The following SEPTIN6 variants were observed in gnomAD, a reference collection of about 807,000 sequenced individuals.
The protein encoded by SEPTIN6 is septin-6.
In SEPTIN6, 8 loss-of-function variants were observed where a neutral mutation model predicts 33.6. The observed-to-expected ratio is 0.24, with a 90% CI of 0.14 to 0.43. The LOEUF is 0.43. SEPTIN6 is among the 20% of genes least tolerant of loss of function. The pLI is 1.00. For synonymous variants in SEPTIN6, 131 were observed against 140.0 expected, an observed-to-expected ratio of 0.94 and a Z score of 0.45; for missense variants, 250 against 340.8, an observed-to-expected ratio of 0.73 and a Z score of 2.10.
intron 1 of SEPTIN6, among the ~76,000 whole-genome samples, chrX:119,691,625 G>A (rs4825663): frequency 0.19 from 21,040 of 111,051 alleles, 1,472 homozygotes; most frequent in South Asian, 0.41. Flanking sequence ...AGGAGGTTCC[G>A]AAGAAATGAT....
intron 10 of SEPTIN6, 129 bp downstream of exon 10, chrX:119,625,206 C>G: frequency 2.0e-6 from 1 of 491,069 alleles, no homozygotes. Flanking sequence ...TTATAAGTCA[C>G]GAGAGAAAAC....
chrX:119,618,980 A>G lies in SEPTIN6; in HGVS notation c.*1113T>C. On this transcript the variant is annotated 3_prime_UTR_variant, in exon 11 of 11. Transcript: ENST00000394610. ...CCCATGATAAAAACTTAGGGCTGGA[A>G]TATTTTTAAACTCTCAACTCCTTAA... The G allele has an allele frequency of 4.1e-6, 4 of 978,616 alleles. No individual in the cohort carries two copies. Among genetic ancestry groups the G allele is most frequent in the Non-Finnish European group, 5.2e-6 (4 of 774,918 alleles). 80.6% of individuals were successfully genotyped at this position (978,616 alleles called of 1,213,427 possible).
intron 5 of SEPTIN6, among the ~76,000 whole-genome samples, chrX:119,642,075 C>CAAT (rs2054166271): frequency 9.3e-6 from 1 of 107,851 alleles, no homozygotes; most frequent in Admixed American, 1.0e-4. Context: ...ATCTCAACAA[C>CAAT]GATCATACAG....
intron 2 of SEPTIN6, among the ~76,000 whole-genome samples, chrX:119,665,188 C>G (rs1207695467): frequency 1.9e-5 from 2 of 107,357 alleles, no homozygotes; most frequent in Non-Finnish European, 3.9e-5. Context: ...ACTGCAGCCT[C>G]TGCCTCCCGG....
chrX:119,688,435 G>A (rs187753969), intron 1 of SEPTIN6, among the ~76,000 whole-genome samples: 93 of 111,508 alleles, frequency 8.3e-4, no homozygotes, highest in African/African-American at 3.0e-3. Context: ...CAGGCCGGGC[G>A]CTGTGGCTCA....
chrX:119,625,438 T>A (rs2053843540), intron 9 of SEPTIN6, 59 bp from the exon 10 acceptor site: 4 of 1,055,401 alleles, frequency 3.8e-6, no homozygotes, highest in Non-Finnish European at 5.3e-6. Context: ...TCAAATATTA[T>A]GACTTGACAC....
chrX:119,677,347 G>A (rs956630987), intron 1 of SEPTIN6, among the ~76,000 whole-genome samples: 2 of 112,407 alleles, frequency 1.8e-5, no homozygotes, highest in African/African-American at 3.2e-5. Context: ...AGGGGCCTGC[G>A]TGGAGCGTGG....
intron 7 of SEPTIN6, among the ~76,000 whole-genome samples, chrX:119,635,445 G>T (rs1219934495): frequency 9.0e-6 from 1 of 110,913 alleles, no homozygotes; most frequent in Non-Finnish European, 1.9e-5. Context: ...AGAATCCCGG[G>T]GGGTATATCA....
chrX:119,620,380 G>T (rs1360518504), intron 10 of SEPTIN6, among the ~76,000 whole-genome samples: 1 of 100,271 alleles, frequency 1.0e-5, no homozygotes, highest in Non-Finnish European at 2.0e-5. Flanking sequence ...GTGCAGTGGT[G>T]CGATCTCGGC....
At chrX:119,689,633 C>A (rs947686049) in intron 1 of SEPTIN6, among the ~76,000 whole-genome samples, 2 of 111,446 alleles carry the variant, frequency 1.8e-5, no homozygotes, top group African/African-American at 6.5e-5. Flanking sequence ...CCCGCCACCA[C>A]GCCTGGCTAA....
At position 119,617,432 on chromosome X, in the gene SEPTIN6, C is replaced by T; in HGVS notation, c.*2661G>A. Reference sequence around the variant, plus strand: ...CAAACTTCCCTGATTATAAGGGTCACCTAGGGCACCTGTTACACACAGTCT... The same window carrying T: ...CAAACTTCCCTGATTATAAGGGTCATCTAGGGCACCTGTTACACACAGTCT... On this transcript the variant is annotated 3_prime_UTR_variant, in exon 11 of 11. Transcript: ENST00000394610. The T allele has an allele frequency of 1.2e-6, 1 of 803,215 alleles. No homozygotes were observed. The allele number at this position is 803,215 out of a possible 1,213,427, so 66.2% of individuals were successfully genotyped here. A position where few individuals can be genotyped will look rare whatever the true frequency, so the allele number is the denominator to read the frequency against.
intron 3 of SEPTIN6, among the ~76,000 whole-genome samples, chrX:119,657,907 T>C (rs1326226450): frequency 9.0e-6 from 1 of 111,674 alleles, no homozygotes; most frequent in East Asian, 2.8e-4. Context: ...AGGCGGATCA[T>C]GAGGTCAGGA....
intron 2 of SEPTIN6, among the ~76,000 whole-genome samples, chrX:119,668,067 G>T (rs922353642): frequency 9.0e-6 from 1 of 110,654 alleles, no homozygotes; most frequent in Non-Finnish European, 1.9e-5. Flanking sequence ...AGGTCGAGGC[G>T]GGTAGATCAC....
In SEPTIN6 at chrX:119,647,322, C is replaced by T. The variant is rs1185515746; in HGVS notation, c.690+2615G>A. ...ATCCTGAATCCACTGGAATTCCCTG[C>T]TCCTCTCCTCTCCTCCCCTCCCCTC... On this transcript the variant is annotated intron_variant, in intron 5 of 10. Transcript: ENST00000394610. Among the ~76,000 whole-genome samples, 4 of 107,684 alleles carry T rather than the reference C, an allele frequency of 3.7e-5. No homozygotes were observed. The East Asian group carries it at 1.2e-3, about 32-fold the overall frequency. 93.5% of individuals were successfully genotyped at this position (107,684 alleles called of 115,157 possible). A position where few individuals can be genotyped will look rare whatever the true frequency, so the allele number is the denominator to read the frequency against.
intron 5 of SEPTIN6, among the ~76,000 whole-genome samples, chrX:119,648,992 T>C (rs1455158081): frequency 7.2e-5 from 8 of 111,530 alleles, no homozygotes; most frequent in African/African-American, 9.8e-5. Context: ...GATGTTTGCA[T>C]CTCTGCCTTC....
At position 119,625,295 on chromosome X, in the gene SEPTIN6, G is replaced by C. The variant is rs2053842030; in HGVS notation, c.*41+40C>G. On this transcript the variant is annotated intron_variant, in intron 10 of 10. Coordinates refer to ENST00000394610, the MANE Select transcript of SEPTIN6 (RefSeq NM_145799.4). ...GCGGGATTGGGGGAGATATGTTCTA[G>C]AAGCCACTGCCAGTTCTATTTAGAG... 7.9e-6 allele frequency: 8 copies of C among 1,016,203 alleles called. 1 individual carries two copies. The highest frequency in any genetic ancestry group is 9.7e-6 in the Non-Finnish European group (7 of 719,781). The allele number at this position is 1,016,203 out of a possible 1,213,427, so 83.7% of individuals were successfully genotyped here.
chrX:119,689,361 C>T lies in SEPTIN6; in HGVS notation c.30+3715G>A, dbSNP rs1454349662. 2.7e-5 allele frequency among the ~76,000 whole-genome samples: 3 copies of T among 112,222 alleles called. No homozygotes were observed. In the East Asian group the frequency reaches 8.4e-4, roughly 31 times the overall value. ...TCTCGAAATATATATTAATAGCAGC[C>T]CAAGCCACCTCATAGTCAGGGGGTG... On this transcript the variant is annotated intron_variant, in intron 1 of 10. Transcript: ENST00000394610.
intron 1 of SEPTIN6, among the ~76,000 whole-genome samples, chrX:119,678,648 T>A (rs2054889743): frequency 8.9e-6 from 1 of 112,006 alleles, no homozygotes; most frequent in Non-Finnish European, 1.9e-5. Context: ...GCAAACAAAG[T>A]AAGATGCAAG....
In SEPTIN6 at chrX:119,618,350, A is replaced by C; in HGVS notation, c.*1743T>G. The C allele has an allele frequency of 1.2e-6, 1 of 818,797 alleles. No individual in the cohort carries two copies. Among genetic ancestry groups the C allele is most frequent in the Non-Finnish European group, 1.5e-6 (1 of 679,721 alleles). The allele number at this position is 818,797 out of a possible 1,213,427, so 67.5% of individuals were successfully genotyped here. ...CACCAAACCTACACAGCAAACCTAT[A>C]TTCTTGCTTTGTCAACAAGAAAAGT... On this transcript the variant is annotated 3_prime_UTR_variant, in exon 11 of 11. Transcript: ENST00000394610.
Sources: allele counts gnomAD v4.1 joint callset (sites outside exome capture counted in the v4.1 genomes callset), GRCh38; gene constraint gnomAD v4.1.1; transcripts MANE v1.5; gene names NCBI Gene and HGNC (gene_info 2026-07-23, HGNC 2026-07-21).